Variants in NTM observed in about 807,000 individuals in gnomAD.
The protein encoded by NTM is neurotrimin.
NTM carries 13 observed loss-of-function variants against 42.1 expected under a neutral mutation model. The observed-to-expected ratio is 0.31, with a 90% CI of 0.20 to 0.49. The LOEUF (loss-of-function observed/expected upper bound fraction) is 0.49. NTM is among the 20% of genes least tolerant of loss of function. The pLI, the probability that NTM is intolerant of heterozygous loss-of-function variation, is 0.99. For synonymous variants in NTM, 187 were observed against 179.2 expected, an observed-to-expected ratio of 1.04 and a Z score of -0.35; for missense variants, 373 against 452.8, an observed-to-expected ratio of 0.82 and a Z score of 1.60.
intron 2 of NTM, among the ~76,000 whole-genome samples, chr11:132,052,165 A>G (rs1207860791): frequency 6.6e-6 from 1 of 152,192 alleles, no homozygotes; most frequent in East Asian, 1.9e-4. Context: ...CTCAACAGAT[A>G]TTTATCCCAA....
rs546761386 is a variant in NTM at position 132,012,593 on chromosome 11, C to T, written c.167+100945C>T. On this transcript the variant is annotated intron_variant, in intron 2 of 8. Transcript: ENST00000683400. Reference sequence around the variant, plus strand: ...ATAAGGGATTCCTTAATTGTTAAAGCGCATACAGGACCTTATTTGCCAAAA... The same window carrying T: ...ATAAGGGATTCCTTAATTGTTAAAGTGCATACAGGACCTTATTTGCCAAAA... 5.6e-4 allele frequency among the ~76,000 whole-genome samples: 85 copies of T among 152,218 alleles called. 1 individual carries two copies. The South Asian group carries it at 0.011, about 20-fold the overall frequency.
At chr11:131,506,302 T>C (rs1388760132) in intron 1 of NTM, among the ~76,000 whole-genome samples, 1 of 152,182 alleles carries the variant, frequency 6.6e-6, no homozygotes, top group Non-Finnish European at 1.5e-5. Flanking sequence ...TTATGTCTGT[T>C]GGTGTGATCA....
At chr11:131,642,124 AG>A (rs2134237379) in intron 1 of NTM, among the ~76,000 whole-genome samples, 1 of 152,292 alleles carries the variant, frequency 6.6e-6, no homozygotes, top group East Asian at 1.9e-4. Flanking sequence ...ATTGTTTAGG[AG>A]GGCCATTTCC....
intron 1 of NTM, among the ~76,000 whole-genome samples, chr11:131,630,993 A>G (rs537440013): frequency 1.3e-5 from 2 of 152,370 alleles, no homozygotes; most frequent in East Asian, 3.9e-4. Context: ...ATGTCCCACA[A>G]TGGCCAGCCA....
At chr11:131,759,284 A>G (rs952433009) in intron 1 of NTM, among the ~76,000 whole-genome samples, 1 of 152,208 alleles carries the variant, frequency 6.6e-6, no homozygotes, top group Non-Finnish European at 1.5e-5. Flanking sequence ...TCAGGGAATG[A>G]GAAATTAATT....
chr11:132,070,662 A>G (rs1257647217), intron 2 of NTM, among the ~76,000 whole-genome samples: 1 of 141,210 alleles, frequency 7.1e-6, no homozygotes, highest in Non-Finnish European at 1.6e-5. Context: ...AGGTTAGTTA[A>G]CACGTCACAC....
At chr11:131,586,896 G>T (rs2058916088) in intron 1 of NTM, among the ~76,000 whole-genome samples, 1 of 152,112 alleles carries the variant, frequency 6.6e-6, no homozygotes, top group Non-Finnish European at 1.5e-5. Context: ...AACCGTTTCT[G>T]AACCTAGAGC....
At chr11:131,378,988 G>A (rs536250320) in intron 1 of NTM, among the ~76,000 whole-genome samples, 97 of 152,280 alleles carry the variant, frequency 6.4e-4, no homozygotes, top group Non-Finnish European at 1.3e-3. Flanking sequence ...GTATGCCGGA[G>A]TGAAAACTTG....
intron 4 of NTM, among the ~76,000 whole-genome samples, chr11:132,215,283 C>T (rs1013446628): frequency 6.6e-6 from 1 of 151,888 alleles, no homozygotes; most frequent in Non-Finnish European, 1.5e-5. Flanking sequence ...CAGGGCTAAG[C>T]TCTTTCAGCA....
chr11:131,404,415 A>ACT (rs1487152011), intron 1 of NTM, among the ~76,000 whole-genome samples: 11 of 150,380 alleles, frequency 7.3e-5, no homozygotes, highest in African/African-American at 2.7e-4. Flanking sequence ...ACTAAACCCT[A>ACT]CTCTGTTTCT....
intron 4 of NTM, among the ~76,000 whole-genome samples, chr11:132,278,066 C>A (rs2093803155): frequency 6.6e-6 from 1 of 152,230 alleles, no homozygotes; most frequent in Non-Finnish European, 1.5e-5. Context: ...TTCACATCAA[C>A]ATCGGCCTTC....
At chr11:131,726,988 C>A (rs1315054761) in intron 1 of NTM, among the ~76,000 whole-genome samples, 1 of 151,396 alleles carries the variant, frequency 6.6e-6, no homozygotes, top group Non-Finnish European at 1.5e-5. Flanking sequence ...AGCACCCAGC[C>A]CATGCCATTG....
At chr11:131,820,232 C>G (rs545960042) in intron 1 of NTM, among the ~76,000 whole-genome samples, 1 of 152,174 alleles carries the variant, frequency 6.6e-6, no homozygotes, top group East Asian at 1.9e-4. Context: ...TCTTCCCTGT[C>G]TGTCTCCCTC....
chr11:131,666,475 A>C (rs1304006947), intron 1 of NTM, among the ~76,000 whole-genome samples: 1 of 152,176 alleles, frequency 6.6e-6, no homozygotes, highest in Non-Finnish European at 1.5e-5. Context: ...CGAGGGCAGG[A>C]GACCACCTGA....
intron 4 of NTM, among the ~76,000 whole-genome samples, chr11:132,215,840 T>G (rs1349724442): frequency 6.6e-6 from 1 of 152,184 alleles, no homozygotes; most frequent in East Asian, 1.9e-4. Context: ...ACCTTGGTCT[T>G]TTCAGGAGGA....
intron 1 of NTM, among the ~76,000 whole-genome samples, chr11:131,862,087 G>A: frequency 6.6e-6 from 1 of 152,186 alleles, no homozygotes. Flanking sequence ...AATCTACAAG[G>A]ATCTTTGTGG....
At chr11:131,693,040 T>C (rs537450794) in intron 1 of NTM, among the ~76,000 whole-genome samples, 1 of 150,692 alleles carries the variant, frequency 6.6e-6, no homozygotes, top group African/African-American at 2.4e-5. Flanking sequence ...CCAAGACAAG[T>C]CATTAGAAGG....
chr11:132,241,704 T>C (rs1408008712), intron 4 of NTM, among the ~76,000 whole-genome samples: 3 of 152,240 alleles, frequency 2.0e-5, no homozygotes, highest in Non-Finnish European at 4.4e-5. Flanking sequence ...GTGATATAGA[T>C]GTAAAACTTC....
intron 1 of NTM, among the ~76,000 whole-genome samples, chr11:131,867,402 T>C (rs1190936503): frequency 6.6e-6 from 1 of 152,052 alleles, no homozygotes; most frequent in African/African-American, 2.4e-5. Flanking sequence ...TGTGTGTCTG[T>C]ATGTGTGTTT....
Sources: allele counts gnomAD v4.1 joint callset (sites outside exome capture counted in the v4.1 genomes callset), GRCh38; gene constraint gnomAD v4.1.1; transcripts MANE v1.5; gene names NCBI Gene and HGNC (gene_info 2026-07-23, HGNC 2026-07-21).